GPR180: variants seen among roughly 807,000 people sequenced by gnomAD.
GPR180 encodes the protein G protein-coupled receptor 180.
In GPR180, 53 loss-of-function variants were observed where a neutral mutation model predicts 52.6. The ratio of observed to expected loss-of-function variants is 1.01; its 90% CI spans 0.81 to 1.27. GPR180 has a LOEUF of 1.27. Among genes scored for constraint, GPR180 ranks in the 50% most tolerant of loss-of-function variants. The pLI, the probability that GPR180 is intolerant of heterozygous loss-of-function variation, is 0.00. For missense variants in GPR180, 533 were observed against 527.0 expected, an observed-to-expected ratio of 1.01 and a Z score of -0.11; for synonymous variants, 200 against 193.1, an observed-to-expected ratio of 1.04 and a Z score of -0.30.
Position 94,602,078 on chromosome 13 carries a change from T to C in GPR180, c.145+6T>C. On this transcript the variant is annotated splice_donor_region_variant and intron_variant, in intron 1 of 8. Transcript: ENST00000376958. ...CGGCCACTTCGAGTTCCATGGTAGG[T>C]CTGGGGGCGGGGAGGGGGATGAAGG... The C allele has an allele frequency of 7.4e-7, 1 of 1,349,824 alleles. No homozygotes were observed. The highest frequency in any genetic ancestry group is 9.5e-7 in the Non-Finnish European group (1 of 1,048,186). 83.6% of individuals were successfully genotyped at this position (1,349,824 alleles called of 1,614,324 possible). A position where few individuals can be genotyped will look rare whatever the true frequency, so the allele number is the denominator to read the frequency against.
chr13:94,602,218 C>CA, intron 1 of GPR180, 146 bp downstream of exon 1: 2 of 763,252 alleles, frequency 2.6e-6, no homozygotes, highest in Non-Finnish European at 3.6e-6. Context: ...AGCGTTGCAG[C>CA]AGCTGCCGCG....
Position 94,602,057 on chromosome 13 carries a change from C to A in GPR180, c.130C>A (p.His44Asn). 7.1e-7 allele frequency: 1 copy of A among 1,405,882 alleles called. No homozygotes were observed. The highest frequency in any genetic ancestry group is 2.7e-5 in the Admixed American group (1 of 37,122). 87.1% of individuals were successfully genotyped at this position (1,405,882 alleles called of 1,614,324 possible). Residue 44 changes from histidine to asparagine, a missense_variant, in exon 1 of 9, where the codon CAC becomes AAC. By Grantham distance (68) the His-to-Asn change is moderately conservative. Coordinates refer to ENST00000376958, the MANE Select transcript of GPR180 (RefSeq NM_180989.6). Reference protein sequence around the residue: ...AQDAQGQRIGHFEFHGDHALL... With the variant: ...AQDAQGQRIGNFEFHGDHALL... Reference sequence around the variant, plus strand: ...GGACGCCCAGGGCCAGCGCATCGGCCACTTCGAGTTCCATGGTAGGTCTGG... The same window carrying A: ...GGACGCCCAGGGCCAGCGCATCGGCAACTTCGAGTTCCATGGTAGGTCTGG...
In GPR180 at chr13:94,612,384, G is replaced by A. The variant is rs756598962; in HGVS notation, c.499G>A (p.Glu167Lys). The A allele has an allele frequency of 3.4e-5, 54 of 1,601,374 alleles. 2 individuals are homozygous for A. The South Asian group carries it at 5.8e-4, about 17-fold the overall frequency. Residue 167 changes from glutamate (E) to lysine (K), a missense_variant, in exon 3 of 9, where the codon GAA becomes AAA. Physicochemically the swap from Glu to Lys is moderately conservative, Grantham distance 56 (BLOSUM62 1). Coordinates refer to ENST00000376958, the MANE Select transcript of GPR180 (RefSeq NM_180989.6). ...GNPFDHFSAG[E>K]SGLHEFFFLL... ...TCCATTTGATCATTTTAGTGCTGGA[G>A]AATCTGGTAAGAATATGTATTTGAA... is the stretch of plus-strand genomic sequence containing the variant.
intron 6 of GPR180, 44 bp downstream of exon 6, chr13:94,621,279 A>T: frequency 6.9e-7 from 1 of 1,441,410 alleles, no homozygotes; most frequent in Non-Finnish European, 9.2e-7. Flanking sequence ...ATCCTCAGAA[A>T]TGCAAACTTG....
At chr13:94,618,919 C>G (rs990001538) in intron 3 of GPR180, among the ~76,000 whole-genome samples, 16 of 152,182 alleles carry the variant, frequency 1.1e-4, no homozygotes, top group African/African-American at 3.9e-4. Flanking sequence ...TGCTTTCTTA[C>G]AGATTGACCT....
At chr13:94,615,165 C>A (rs1389787273) in intron 3 of GPR180, among the ~76,000 whole-genome samples, 1 of 152,210 alleles carries the variant, frequency 6.6e-6, no homozygotes, top group Non-Finnish European at 1.5e-5. Flanking sequence ...AACCGCTGAT[C>A]TAAAAGTCCA....
chr13:94,620,535 C>T (rs1288307983), intron 5 of GPR180, among the ~76,000 whole-genome samples: 1 of 152,158 alleles, frequency 6.6e-6, no homozygotes, highest in Non-Finnish European at 1.5e-5. Flanking sequence ...CATTTGTCTT[C>T]AGGATTCTGA....
At chr13:94,602,843 T>C (rs1889578452) in intron 1 of GPR180, among the ~76,000 whole-genome samples, 1 of 152,216 alleles carries the variant, frequency 6.6e-6, no homozygotes, top group Non-Finnish European at 1.5e-5. Flanking sequence ...ATTTAAGTGT[T>C]TTTCTTGGTA....
In GPR180 at chr13:94,632,032, T is replaced by C. The variant is rs1470392987; in HGVS notation, c.*4861T>C. On this transcript the variant is annotated 3_prime_UTR_variant, in exon 9 of 9. Coordinates refer to ENST00000376958, the MANE Select transcript of GPR180 (RefSeq NM_180989.6). The stretch of plus-strand genomic sequence containing the variant: ...GGAAAACTAGAAATGACAATAACAC[T>C]CAAATTGCAGCAGCCTGGGGTCATT... 6.6e-6 allele frequency: 1 copy of C among 152,134 alleles called. No homozygotes were observed. Among genetic ancestry groups the C allele is most frequent in the African/African-American group, 2.4e-5 (1 of 41,430 alleles). 9.4% of individuals were successfully genotyped at this position (152,134 alleles called of 1,614,324 possible).
chr13:94,631,540 C>G lies in GPR180; in HGVS notation c.*4369C>G, dbSNP rs754306379. On this transcript the variant is annotated 3_prime_UTR_variant, in exon 9 of 9. Transcript: ENST00000376958. ...TAGCTGGTTTATCTTTGTCATCTCTCAAATTAGAATATAAATTTTAAGTGA... is the reference window on the plus strand; with the variant it reads ...TAGCTGGTTTATCTTTGTCATCTCTGAAATTAGAATATAAATTTTAAGTGA... 6.7e-6 allele frequency: 1 copy of G among 149,736 alleles called. No homozygotes were observed. Among genetic ancestry groups the G allele is most frequent in the Admixed American group, 6.7e-5 (1 of 14,872 alleles). The allele number at this position is 149,736 out of a possible 1,614,324, so 9.3% of individuals were successfully genotyped here.
chr13:94,618,420 A>ATTTTTTTTTTTTTTTTTTTTTTTT lies in GPR180; in HGVS notation c.506-707_506-706insTTTTTTTTTTTTTTTTTTTTTTTT, dbSNP rs570807308. Among the ~76,000 whole-genome samples the ATTTTTTTTTTTTTTTTTTTTTTTT allele has an allele frequency of 6.7e-4, 58 of 87,140 alleles. 7 individuals are homozygous for ATTTTTTTTTTTTTTTTTTTTTTTT. The highest frequency in any genetic ancestry group is 1.8e-3 in the African/African-American group (28 of 15,838). The allele number at this position is 87,140 out of a possible 152,430, so 57.2% of individuals were successfully genotyped here. On this transcript the variant is annotated intron_variant, in intron 3 of 8. Coordinates refer to ENST00000376958, the MANE Select transcript of GPR180 (RefSeq NM_180989.6). ...CATGGAGTCGCATGATCAGCACAGG[A>ATTTTTTTTTTTTTTTTTTTTTTTT]TTTTTTTTTTTTTTTTTTTTTTTGG...
chr13:94,602,795 C>G (rs2139561822), intron 1 of GPR180, among the ~76,000 whole-genome samples: 1 of 152,274 alleles, frequency 6.6e-6, no homozygotes, highest in African/African-American at 2.4e-5. Flanking sequence ...AATGCATTTG[C>G]AATTCATTCT....
intron 1 of GPR180, among the ~76,000 whole-genome samples, chr13:94,604,725 C>A (rs1303480084): frequency 6.6e-6 from 1 of 152,112 alleles, no homozygotes; most frequent in Non-Finnish European, 1.5e-5. Flanking sequence ...ACAGGCTCAG[C>A]CACCAAGCCC....
chr13:94,619,222 G>A lies in GPR180; in HGVS notation c.578G>A (p.Trp193Ter). ...GCTTGCATTTATGCTCAATCATTGT[G>A]GCAGGCTATTAAGAAAGGCGGACCC... ...VIACIYAQSLWQAIKKGGPMH... is the reference protein window; with the variant it reads ...VIACIYAQSL The change falls in exon 4 of 9, where the codon TGG (tryptophan) becomes TAG (stop). Residue 193 changes from tryptophan (W) to a stop codon, truncating the protein, a stop_gained. Coordinates refer to ENST00000376958, the MANE Select transcript of GPR180 (RefSeq NM_180989.6). LOFTEE classifies it high-confidence loss of function. 1 of 1,613,982 alleles carries A rather than the reference G, an allele frequency of 6.2e-7. No individual in the cohort carries two copies. Among genetic ancestry groups the A allele is most frequent in the Non-Finnish European group, 8.5e-7 (1 of 1,179,950 alleles).
chr13:94,619,066 A>G, intron 3 of GPR180, 84 bp from the exon 4 acceptor site: 1 of 1,044,890 alleles, frequency 9.6e-7, no homozygotes, highest in Non-Finnish European at 1.4e-6. Context: ...TTCTAGAAAT[A>G]TATTGACAGG....
rs531293805 is a variant in GPR180, at chr13:94,613,076, T to C, written c.505+686T>C. On this transcript the variant is annotated intron_variant, in intron 3 of 8. Coordinates refer to ENST00000376958, the MANE Select transcript of GPR180 (RefSeq NM_180989.6). ...TGACTTCTTATGATCATGATGAACA[T>C]GCTATGAAGTATAACTGATTTGTAA... Among the ~76,000 whole-genome samples, 11 of 152,344 alleles carry C rather than the reference T, an allele frequency of 7.2e-5. No homozygotes were observed. In the South Asian group the frequency reaches 2.3e-3, roughly 32 times the overall value.
chr13:94,609,042 TAAC>T (rs1403578971), intron 2 of GPR180, among the ~76,000 whole-genome samples: 1 of 152,206 alleles, frequency 6.6e-6, no homozygotes, highest in African/African-American at 2.4e-5. Flanking sequence ...ATCTAAAACT[TAAC>T]GAGGAGATTC....
intron 2 of GPR180, among the ~76,000 whole-genome samples, chr13:94,609,585 C>G (rs1889677599): frequency 6.6e-6 from 1 of 152,000 alleles, no homozygotes. Context: ...GGCAACACAG[C>G]AGAGCCTTTA....
chr13:94,611,310 A>G (rs973836191), intron 2 of GPR180, among the ~76,000 whole-genome samples: 27 of 152,190 alleles, frequency 1.8e-4, no homozygotes, highest in African/African-American at 6.5e-4. Flanking sequence ...TTGAAAATAC[A>G]TAGTTTTTAG....
Sources: gnomAD v4.1 joint callset for allele counts (sites outside exome capture counted in the v4.1 genomes callset) on GRCh38, gnomAD v4.1.1 for gene constraint, MANE v1.5 for transcripts, NCBI Gene and HGNC (gene_info 2026-07-23, HGNC 2026-07-21) for gene names.